The following SAXO1 variants were observed in gnomAD, a reference collection of about 807,000 sequenced individuals.
SAXO1 encodes stabilizer of axonemal microtubules 1.
In SAXO1, 21 loss-of-function variants were observed where a neutral mutation model predicts 17.5. That is an observed-to-expected ratio of 1.20 (90% CI 0.85 to 1.72). The LOEUF (loss-of-function observed/expected upper bound fraction) is 1.72. SAXO1 is among the 40% of genes most tolerant of loss of function. The probability of loss-of-function intolerance (pLI) is 0.00; values close to 1 mark genes in which losing one functional copy is unlikely to be tolerated. For missense variants in SAXO1, 843 were observed against 596.0 expected, an observed-to-expected ratio of 1.41 and a Z score of -4.32; for synonymous variants, 274 against 216.5, an observed-to-expected ratio of 1.27 and a Z score of -2.33.
At chr9:19,034,809 G>C (rs1441055506), upstream of SAXO1, among the ~76,000 whole-genome samples, 1 of 152,204 alleles carries the variant, frequency 6.6e-6, no homozygotes, top group African/African-American at 2.4e-5. Context: ...ACATCACACA[G>C]TCCTTACAGA....
intron 1 of SAXO1, among the ~76,000 whole-genome samples, chr9:18,994,818 T>A (rs1833941753): frequency 6.6e-6 from 1 of 152,176 alleles, no homozygotes. Flanking sequence ...CAGGATGCAA[T>A]CTGGGGCTAA....
At chr9:19,020,613 C>T (rs1403623719) in intron 1 of SAXO1, among the ~76,000 whole-genome samples, 2 of 152,158 alleles carry the variant, frequency 1.3e-5, no homozygotes, top group Admixed American at 6.5e-5. Context: ...CCCACCTCAG[C>T]CTCCAAAAAT....
At chr9:18,954,985 A>G (rs1832199173) in intron 1 of SAXO1, among the ~76,000 whole-genome samples, 1 of 152,126 alleles carries the variant, frequency 6.6e-6, no homozygotes, top group African/African-American at 2.4e-5. Context: ...AATAGAATGC[A>G]AGCCATGTCA....
chr9:18,943,643 G>A (rs1831670820), intron 2 of SAXO1, among the ~76,000 whole-genome samples: 1 of 152,180 alleles, frequency 6.6e-6, no homozygotes, highest in Non-Finnish European at 1.5e-5. Context: ...CAGAAGGGAT[G>A]GACAGGTTTC....
intron 1 of SAXO1, among the ~76,000 whole-genome samples, chr9:18,978,705 T>C (rs1257554919): frequency 6.6e-6 from 1 of 152,240 alleles, no homozygotes; most frequent in Non-Finnish European, 1.5e-5. Context: ...TCTAGATGCA[T>C]ACATCCATCA....
chr9:18,950,729 CT>C, intron 2 of SAXO1, 28 bp downstream of exon 2: 1 of 1,584,228 alleles, frequency 6.3e-7, no homozygotes, highest in South Asian at 1.1e-5. Flanking sequence ...TTGTATGTAC[CT>C]GCATACATTA....
At chr9:18,995,984 C>A (rs1222410177) in intron 1 of SAXO1, among the ~76,000 whole-genome samples, 1 of 150,502 alleles carries the variant, frequency 6.6e-6, no homozygotes, top group Admixed American at 6.7e-5. Flanking sequence ...GAGGCTGGGG[C>A]AGGAGAATCG....
At position 18,936,316 on chromosome 9, in the gene SAXO1, T is replaced by C. The variant is rs192482441; in HGVS notation, c.421+5321A>G. ...GCATCTTGAAAGCATTAGGGGGCCT[T>C]GGAGGGAACCATCTTGCTGAATATA... On this transcript the variant is annotated intron_variant, in intron 3 of 3. Coordinates refer to ENST00000380534, the MANE Select transcript of SAXO1 (RefSeq NM_153707.4). 5.3e-3 allele frequency among the ~76,000 whole-genome samples: 801 copies of C among 152,304 alleles called. 1 individual carries two copies. Among genetic ancestry groups the C allele is most frequent in the Non-Finnish European group, 6.9e-3 (472 of 68,022 alleles).
intron 1 of SAXO1, among the ~76,000 whole-genome samples, chr9:18,970,982 G>A (rs1194435631): frequency 2.6e-5 from 4 of 152,162 alleles, no homozygotes; most frequent in South Asian, 2.1e-4. Context: ...TTCTCTAAAC[G>A]TGGCCCTGTC....
intron 1 of SAXO1, among the ~76,000 whole-genome samples, chr9:18,957,593 A>C (rs2131745636): frequency 6.6e-6 from 1 of 152,342 alleles, no homozygotes; most frequent in Middle Eastern, 3.4e-3. Flanking sequence ...AAAGCAGTGC[A>C]GATAATGCAT....
chr9:18,940,690 G>A (rs1318919717), intron 3 of SAXO1, among the ~76,000 whole-genome samples: 1 of 152,166 alleles, frequency 6.6e-6, no homozygotes, highest in Non-Finnish European at 1.5e-5. Context: ...TTACAAACCT[G>A]GTCTCCAGTC....
chr9:18,959,833 G>A (rs1472186131), intron 1 of SAXO1, among the ~76,000 whole-genome samples: 6 of 152,114 alleles, frequency 3.9e-5, no homozygotes, highest in Non-Finnish European at 8.8e-5. Flanking sequence ...TGCTGAAGGG[G>A]ATGTTAAAGA....
At chr9:19,022,407 G>C (rs1170042231) in intron 1 of SAXO1, among the ~76,000 whole-genome samples, 1 of 152,178 alleles carries the variant, frequency 6.6e-6, no homozygotes, top group Non-Finnish European at 1.5e-5. Flanking sequence ...AGACACAATA[G>C]CATGTTCTTC....
chr9:18,952,639 G>A (rs536626596), intron 1 of SAXO1, among the ~76,000 whole-genome samples: 5 of 152,110 alleles, frequency 3.3e-5, no homozygotes, highest in African/African-American at 1.2e-4. Flanking sequence ...CCTTAAGAAG[G>A]CATGAAATTG....
intron 1 of SAXO1, among the ~76,000 whole-genome samples, chr9:18,991,643 C>G (rs773251276): frequency 6.6e-6 from 1 of 152,098 alleles, no homozygotes; most frequent in Non-Finnish European, 1.5e-5. Context: ...TGAAGCAAAC[C>G]AACATGGCAC....
chr9:18,951,470 A>C (rs1195808254), intron 1 of SAXO1, among the ~76,000 whole-genome samples: 1 of 152,204 alleles, frequency 6.6e-6, no homozygotes, highest in African/African-American at 2.4e-5. Flanking sequence ...TTCTGAGTCC[A>C]CCAGACACCA....
chr9:18,941,546 A>G, intron 3 of SAXO1, 91 bp downstream of exon 3: 12 of 1,455,390 alleles, frequency 8.2e-6, no homozygotes, highest in Non-Finnish European at 1.1e-5. Flanking sequence ...CAACTCTTGC[A>G]CTAACTGAGT....
chr9:18,940,189 CTG>C (rs1408451247), intron 3 of SAXO1, among the ~76,000 whole-genome samples: 2 of 152,162 alleles, frequency 1.3e-5, no homozygotes, highest in Non-Finnish European at 2.9e-5. Flanking sequence ...AGGCCAAGGA[CTG>C]TCGTGGTGGG....
upstream of SAXO1, among the ~76,000 whole-genome samples, chr9:19,034,025 T>C (rs747522590): frequency 1.3e-5 from 2 of 152,164 alleles, no homozygotes; most frequent in Non-Finnish European, 2.9e-5. Context: ...AGTCCGGGAA[T>C]CTAGCTTCAA....
Sources: allele counts gnomAD v4.1 joint callset (sites outside exome capture counted in the v4.1 genomes callset), GRCh38; gene constraint gnomAD v4.1.1; transcripts MANE v1.5; gene names NCBI Gene and HGNC (gene_info 2026-07-23, HGNC 2026-07-21).